PTCHD4: variants seen among roughly 807,000 people sequenced by gnomAD.
PTCHD4 encodes patched domain-containing protein 4.
Under a neutral mutation model 58.1 loss-of-function variants are expected in PTCHD4, and 33 were observed. That is an observed-to-expected ratio of 0.57 (90% confidence interval 0.43 to 0.76). PTCHD4 has a LOEUF of 0.76. Among genes scored for constraint, PTCHD4 ranks in the 30% least tolerant of loss-of-function variants. The pLI is 0.00. For synonymous variants in PTCHD4, 478 were observed against 409.6 expected, an observed-to-expected ratio of 1.17 and a Z score of -2.02; for missense variants, 1,058 against 1,027.1, an observed-to-expected ratio of 1.03 and a Z score of -0.41.
intron 4 of PTCHD4, among the ~76,000 whole-genome samples, chr6:47,888,679 T>C (rs1157471454): frequency 6.6e-6 from 1 of 152,050 alleles, no homozygotes; most frequent in Non-Finnish European, 1.5e-5. Flanking sequence ...TATTATACTT[T>C]AAGTTTTAGG....
At chr6:47,957,132 T>C (rs1341160521) in intron 4 of PTCHD4, among the ~76,000 whole-genome samples, 1 of 150,974 alleles carries the variant, frequency 6.6e-6, no homozygotes, top group African/African-American at 2.4e-5. Context: ...GCCACTGCAT[T>C]CCAGCCTGGG....
chr6:48,018,880 C>T (rs1762958729), intron 3 of PTCHD4, among the ~76,000 whole-genome samples: 1 of 152,134 alleles, frequency 6.6e-6, no homozygotes, highest in Non-Finnish European at 1.5e-5. Flanking sequence ...AGCAGCAAAT[C>T]CCTATGTATA....
At chr6:47,945,037 C>T (rs1382642557) in intron 4 of PTCHD4, among the ~76,000 whole-genome samples, 1 of 151,908 alleles carries the variant, frequency 6.6e-6, no homozygotes, top group Non-Finnish European at 1.5e-5. Context: ...AATAAAGTGC[C>T]AAATCCAAAG....
chr6:47,985,568 C>G (rs1390133359), intron 4 of PTCHD4, among the ~76,000 whole-genome samples: 1 of 151,916 alleles, frequency 6.6e-6, no homozygotes, highest in Non-Finnish European at 1.5e-5. Context: ...GAAAAAAACT[C>G]CTTCATTTAG....
At chr6:48,079,104 C>G (rs558848530) in intron 1 of PTCHD4, among the ~76,000 whole-genome samples, 190 of 123,504 alleles carry the variant, frequency 1.5e-3, no homozygotes, top group Non-Finnish European at 1.8e-3. Flanking sequence ...GGCAACAGAG[C>G]GAAATTCCAT....
At chr6:47,888,179 A>G (rs1764253303) in intron 4 of PTCHD4, among the ~76,000 whole-genome samples, 1 of 147,130 alleles carries the variant, frequency 6.8e-6, no homozygotes, top group Admixed American at 7.2e-5. Context: ...AACATGGTGA[A>G]ACCCCGTCTC....
chr6:48,023,664 C>G (rs1763144843), intron 3 of PTCHD4, among the ~76,000 whole-genome samples: 1 of 152,256 alleles, frequency 6.6e-6, no homozygotes, highest in Non-Finnish European at 1.5e-5. Context: ...TTTTAATTTT[C>G]TTCTGAATGT....
rs560856553 is a variant in PTCHD4, at chr6:48,107,600, G to A, written c.-970+3449C>T. On this transcript the variant is annotated intron_variant, in intron 1 of 4. Transcript: ENST00000339488. ...GCAACAAAAGCCAAAATTGACAAAT[G>A]GGATCTAATTAAACTAAAGAGCTTC... 6.7e-3 allele frequency among the ~76,000 whole-genome samples: 1,024 copies of A among 152,112 alleles called. 15 individuals are homozygous for A. Among genetic ancestry groups the A allele is most frequent in the African/African-American group, 0.023 (959 of 41,512 alleles).
intron 4 of PTCHD4, among the ~76,000 whole-genome samples, chr6:47,980,374 T>TAC (rs10650828): frequency 0.16 from 24,680 of 152,010 alleles, 2,126 homozygotes; most frequent in South Asian, 0.29. Context: ...TGCTTCTTCA[T>TAC]ACCTTTCTTC....
chr6:48,082,898 T>G (rs901525537), intron 1 of PTCHD4, among the ~76,000 whole-genome samples: 1 of 151,954 alleles, frequency 6.6e-6, no homozygotes, highest in Admixed American at 6.6e-5. Flanking sequence ...TACTCTCATT[T>G]ATTTAACCAT....
chr6:47,922,485 T>C (rs1765468015), intron 4 of PTCHD4, among the ~76,000 whole-genome samples: 1 of 152,146 alleles, frequency 6.6e-6, no homozygotes. Flanking sequence ...AAAGAGGCTA[T>C]TATTTAAATG....
intron 4 of PTCHD4, chr6:47,899,577 A>T (rs569794761): frequency 9.7e-5 from 95 of 983,498 alleles, no homozygotes; most frequent in Non-Finnish European, 1.1e-4. Context: ...CAAATGAAGT[A>T]GAAAAAAAGA....
At chr6:48,107,999 G>A (rs1765773292) in intron 1 of PTCHD4, among the ~76,000 whole-genome samples, 1 of 152,144 alleles carries the variant, frequency 6.6e-6, no homozygotes, top group Admixed American at 6.5e-5. Context: ...TTACACTGTT[G>A]GTGGGACTGT....
intron 1 of PTCHD4, among the ~76,000 whole-genome samples, chr6:48,096,837 C>A (rs754137397): frequency 6.6e-6 from 1 of 151,866 alleles, no homozygotes; most frequent in Non-Finnish European, 1.5e-5. Context: ...ATATATATTG[C>A]ATTAGACAAG....
At chr6:48,103,263 G>A (rs1289316090) in intron 1 of PTCHD4, among the ~76,000 whole-genome samples, 3 of 152,306 alleles carry the variant, frequency 2.0e-5, no homozygotes, top group Non-Finnish European at 4.4e-5. Context: ...AAATTCCAGA[G>A]GAATGATCAG....
chr6:47,904,534 C>T (rs1308869961), intron 4 of PTCHD4, among the ~76,000 whole-genome samples: 1 of 152,274 alleles, frequency 6.6e-6, no homozygotes, highest in Non-Finnish European at 1.5e-5. Context: ...AGTTTGCCCA[C>T]CTCTGACTTA....
At chr6:48,009,353 C>T (rs45480402) in intron 3 of PTCHD4, among the ~76,000 whole-genome samples, 63 of 152,248 alleles carry the variant, frequency 4.1e-4, no homozygotes, top group Non-Finnish European at 7.4e-4. Flanking sequence ...AGAAGAATTG[C>T]CACATGCATA....
chr6:47,911,331 C>T (rs1443423333), intron 4 of PTCHD4, among the ~76,000 whole-genome samples: 1 of 152,128 alleles, frequency 6.6e-6, no homozygotes, highest in East Asian at 1.9e-4. Flanking sequence ...CTACCACTCC[C>T]CACCCAAGGG....
chr6:47,865,499 A>G lies in PTCHD4; in HGVS notation c.*12804T>C, dbSNP rs574960873. On this transcript the variant is annotated 3_prime_UTR_variant, in exon 5 of 5. Transcript: ENST00000339488. ...GTAGTAAATAGATCACACAGAGCTA[A>G]TAACTAGTTACTGTTATACCACATT... 6.6e-6 allele frequency among the ~76,000 whole-genome samples: 1 copy of G among 152,068 alleles called. No homozygotes were observed. Among genetic ancestry groups the G allele is most frequent in the South Asian group, 2.1e-4 (1 of 4,830 alleles).
Sources: gnomAD v4.1 joint callset for allele counts (sites outside exome capture counted in the v4.1 genomes callset) on GRCh38, gnomAD v4.1.1 for gene constraint, MANE v1.5 for transcripts, NCBI Gene and HGNC (gene_info 2026-07-23, HGNC 2026-07-21) for gene names.